Variants in ETV6 observed in about 807,000 individuals in gnomAD.
ETV6 encodes the protein ETS variant transcription factor 6, also known as transcription factor ETV6.
In ETV6, 16 loss-of-function variants were observed where a neutral mutation model predicts 51.1. That is an observed-to-expected ratio of 0.31 (90% CI 0.21 to 0.48). ETV6 has a LOEUF of 0.48. ETV6 is among the 20% of genes least tolerant of loss of function. ETV6 has a pLI of 0.99. For missense variants in ETV6, 458 were observed against 594.8 expected, an observed-to-expected ratio of 0.77 and a Z score of 2.39; for synonymous variants, 240 against 224.1, an observed-to-expected ratio of 1.07 and a Z score of -0.64.
intron 1 of ETV6, among the ~76,000 whole-genome samples, chr12:11,698,060 A>G (rs1296446137): frequency 1.3e-5 from 2 of 152,194 alleles, no homozygotes; most frequent in African/African-American, 2.4e-5. Flanking sequence ...ATAGAAAACT[A>G]TTACTCTTTT....
chr12:11,834,761 T>C (rs1946290849), intron 2 of ETV6, among the ~76,000 whole-genome samples: 1 of 152,202 alleles, frequency 6.6e-6, no homozygotes, highest in Non-Finnish European at 1.5e-5. Context: ...AGTAATTCTG[T>C]AGAAAAAGAT....
chr12:11,778,369 G>A (rs529540092), intron 2 of ETV6, among the ~76,000 whole-genome samples: 1 of 152,352 alleles, frequency 6.6e-6, no homozygotes, highest in East Asian at 1.9e-4. Context: ...AGCCACTTGA[G>A]GAGAGGTGTC....
At chr12:11,805,343 A>G (rs771265759) in intron 2 of ETV6, among the ~76,000 whole-genome samples, 1 of 152,122 alleles carries the variant, frequency 6.6e-6, no homozygotes, top group Non-Finnish European at 1.5e-5. Context: ...CTCAACTGCC[A>G]TTGTTTCCTC....
chr12:11,801,932 C>G (rs1379404639), intron 2 of ETV6, among the ~76,000 whole-genome samples: 3 of 152,318 alleles, frequency 2.0e-5, no homozygotes, highest in African/African-American at 7.2e-5. Context: ...AGCCCTCAAC[C>G]CCTGCTACCT....
chr12:11,718,149 G>T (rs1449300265), intron 1 of ETV6, among the ~76,000 whole-genome samples: 2 of 152,104 alleles, frequency 1.3e-5, no homozygotes, highest in Non-Finnish European at 2.9e-5. Flanking sequence ...GTCCAAAGTG[G>T]GCAATATTTT....
intron 1 of ETV6, among the ~76,000 whole-genome samples, chr12:11,662,420 T>A (rs1269819823): frequency 6.6e-6 from 1 of 152,200 alleles, no homozygotes; most frequent in Non-Finnish European, 1.5e-5. Flanking sequence ...AATTTCTCTG[T>A]CTTGAAAAAC....
intron 2 of ETV6, among the ~76,000 whole-genome samples, chr12:11,831,512 A>G (rs1946245535): frequency 6.6e-6 from 1 of 152,266 alleles, no homozygotes; most frequent in African/African-American, 2.4e-5. Context: ...GGTGTGAGCC[A>G]CCACACCCAG....
chr12:11,651,487 GCTT>G (rs1863906384), intron 1 of ETV6, among the ~76,000 whole-genome samples: 1 of 152,140 alleles, frequency 6.6e-6, no homozygotes, highest in Admixed American at 6.5e-5. Flanking sequence ...GGTGGTTTGG[GCTT>G]CTTTGTTTTT....
chr12:11,763,010 A>G (rs959761383), intron 2 of ETV6, among the ~76,000 whole-genome samples: 1 of 152,012 alleles, frequency 6.6e-6, no homozygotes, highest in African/African-American at 2.4e-5. Flanking sequence ...GCCTTGCTTC[A>G]GGAAGGAACC....
intron 2 of ETV6, among the ~76,000 whole-genome samples, chr12:11,769,427 G>T (rs1220572060): frequency 2.0e-5 from 3 of 151,364 alleles, no homozygotes; most frequent in Non-Finnish European, 4.4e-5. Flanking sequence ...TAACATCCAG[G>T]AGAAAATCTG....
chr12:11,857,863 T>A (rs1946654631), intron 4 of ETV6, among the ~76,000 whole-genome samples: 1 of 152,228 alleles, frequency 6.6e-6, no homozygotes, highest in African/African-American at 2.4e-5. Flanking sequence ...CTGCAGTCTC[T>A]TACAGCTCTC....
chr12:11,763,754 A>T (rs76556090), intron 2 of ETV6, among the ~76,000 whole-genome samples: 1 of 152,342 alleles, frequency 6.6e-6, no homozygotes, highest in East Asian at 1.9e-4. Context: ...TTGAAATACA[A>T]CTGGGTATTG....
chr12:11,676,993 G>A (rs1028156269), intron 1 of ETV6, among the ~76,000 whole-genome samples: 1 of 152,212 alleles, frequency 6.6e-6, no homozygotes, highest in African/African-American at 2.4e-5. Flanking sequence ...TGCTTATGCA[G>A]GGAAAACAAT....
At chr12:11,879,273 C>T (rs1947049117) in intron 5 of ETV6, among the ~76,000 whole-genome samples, 1 of 152,172 alleles carries the variant, frequency 6.6e-6, no homozygotes, top group Non-Finnish European at 1.5e-5. Flanking sequence ...GTTAAAAGAA[C>T]ATAAAATGAC....
intron 2 of ETV6, among the ~76,000 whole-genome samples, chr12:11,788,281 T>G (rs1056270642): frequency 6.6e-6 from 1 of 152,206 alleles, no homozygotes; most frequent in South Asian, 2.1e-4. Context: ...AATAAGACTT[T>G]TATGTGGCTG....
At chr12:11,735,887 A>G (rs1269747433) in intron 1 of ETV6, among the ~76,000 whole-genome samples, 4 of 152,266 alleles carry the variant, frequency 2.6e-5, no homozygotes, top group African/African-American at 7.2e-5. Flanking sequence ...GGCGTGAACC[A>G]TCGCGCCCGG....
At chr12:11,710,788 T>C (rs1865158936) in intron 1 of ETV6, among the ~76,000 whole-genome samples, 1 of 152,228 alleles carries the variant, frequency 6.6e-6, no homozygotes, top group Admixed American at 6.5e-5. Flanking sequence ...AGAAGCCTTC[T>C]GGTGGCCACA....
At chr12:11,793,505 A>G (rs976556302) in intron 2 of ETV6, among the ~76,000 whole-genome samples, 11 of 152,308 alleles carry the variant, frequency 7.2e-5, no homozygotes, top group African/African-American at 1.9e-4. Context: ...TTCAAAACCA[A>G]TGGTCACTCT....
rs571829650 is a variant in ETV6 at position 11,711,905 on chromosome 12, A to G, written c.34-40545A>G. 3.3e-5 allele frequency among the ~76,000 whole-genome samples: 5 copies of G among 152,270 alleles called. No individual in the cohort carries two copies. In the East Asian group the frequency reaches 7.7e-4, roughly 23 times the overall value. ...CCCGTGGGTGGAATTGCATCACTGAATCACTTTTCTCTATTTTTTTCCACT... is the reference window on the plus strand; with the variant it reads ...CCCGTGGGTGGAATTGCATCACTGAGTCACTTTTCTCTATTTTTTTCCACT... On this transcript the variant is annotated intron_variant, in intron 1 of 7. Coordinates refer to ENST00000396373, the MANE Select transcript of ETV6 (RefSeq NM_001987.5).
Sources: gnomAD v4.1 joint callset for allele counts (sites outside exome capture counted in the v4.1 genomes callset) on GRCh38, gnomAD v4.1.1 for gene constraint, MANE v1.5 for transcripts, NCBI Gene and HGNC (gene_info 2026-07-23, HGNC 2026-07-21) for gene names.